PCBP3: variants seen among roughly 807,000 people sequenced by gnomAD.
The protein encoded by PCBP3 is poly(rC) binding protein 3, also known as poly(rC)-binding protein 3.
A neutral mutation model predicts 52.7 loss-of-function variants in PCBP3; 25 were observed. The ratio of observed to expected loss-of-function variants is 0.47; its 90% CI spans 0.35 to 0.66. PCBP3 has a LOEUF of 0.66. Among genes scored for constraint, PCBP3 ranks in the 30% least tolerant of loss-of-function variants. PCBP3 has a pLI of 0.01. For synonymous variants in PCBP3, 162 were observed against 183.0 expected (o/e 0.89, Z 0.93); for missense variants, 391 against 490.3 (o/e 0.80, Z 1.91).
intron 2 of PCBP3, among the ~76,000 whole-genome samples, chr21:45,728,154 T>A (rs2085196311): frequency 6.6e-6 from 1 of 152,192 alleles, no homozygotes; most frequent in South Asian, 2.1e-4. Context: ...GAGGGTACGG[T>A]CTAACTTTGT....
chr21:45,835,689 G>A (rs1486096730), intron 4 of PCBP3, among the ~76,000 whole-genome samples: 1 of 152,186 alleles, frequency 6.6e-6, no homozygotes, highest in Admixed American at 6.5e-5. Flanking sequence ...CTGCCCATGG[G>A]CCTGGACCCT....
At chr21:45,794,922 C>G (rs904358866) in intron 4 of PCBP3, among the ~76,000 whole-genome samples, 1 of 147,188 alleles carries the variant, frequency 6.8e-6, no homozygotes, top group African/African-American at 2.5e-5. Flanking sequence ...GAGCCAGACT[C>G]TGTCTCAAAA....
intron 2 of PCBP3, among the ~76,000 whole-genome samples, chr21:45,671,707 G>A (rs2081186004): frequency 6.6e-6 from 1 of 152,178 alleles, no homozygotes; most frequent in African/African-American, 2.4e-5. Context: ...AGTAAGTGGG[G>A]ACAATTTTTT....
chr21:45,706,979 CA>C (rs2083488360), intron 2 of PCBP3, among the ~76,000 whole-genome samples: 1 of 152,212 alleles, frequency 6.6e-6, no homozygotes, highest in Non-Finnish European at 1.5e-5. Flanking sequence ...GGCTTGTCAG[CA>C]AGTTTATTTT....
chr21:45,917,751 G>T lies in PCBP3; in HGVS notation c.717+122G>T. 1.2e-6 allele frequency: 1 copy of T among 845,762 alleles called. No homozygotes were observed. The highest frequency in any genetic ancestry group is 1.8e-5 in the Admixed American group (1 of 56,002). The allele number at this position is 845,762 out of a possible 1,614,324, so 52.4% of individuals were successfully genotyped here. ...CAATAATATTAATCAACTTCTCAGC[G>T]TTCCTGACCTGTGTCGTATCCATAT... On this transcript the variant is annotated intron_variant, in intron 13 of 17. Coordinates refer to ENST00000681687, the MANE Select transcript of PCBP3 (RefSeq NM_001384156.1). This position sits in a 1 kb window ranked among gnomAD's most constrained non-coding sequence, Gnocchi z 5.3.
intron 12 of PCBP3, 183 bp downstream of exon 12, chr21:45,914,208 G>A (rs548082453): frequency 1.2e-5 from 12 of 978,666 alleles, no homozygotes; most frequent in East Asian, 2.9e-5. Flanking sequence ...CCTTCAGAGC[G>A]GCATTCCCCC....
intron 12 of PCBP3, chr21:45,914,747 G>C (rs2149311860): frequency 6.6e-6 from 1 of 152,532 alleles, no homozygotes; most frequent in East Asian, 1.9e-4. Context: ...CTCAGGGCCA[G>C]TCTGTGGCCA....
chr21:45,793,653 G>A (rs933059967), intron 4 of PCBP3, among the ~76,000 whole-genome samples: 2 of 152,174 alleles, frequency 1.3e-5, no homozygotes, highest in Non-Finnish European at 1.5e-5. Context: ...TGTGGACAGC[G>A]GAGACTCCAC....
chr21:45,814,784 A>G (rs1383062133), intron 4 of PCBP3, among the ~76,000 whole-genome samples: 2 of 74,076 alleles, frequency 2.7e-5, no homozygotes, highest in African/African-American at 1.1e-4. Context: ...GTGAGTGATG[A>G]GTGGTGAGTG....
chr21:45,803,221 G>T (rs2092374403), intron 4 of PCBP3, among the ~76,000 whole-genome samples: 1 of 152,228 alleles, frequency 6.6e-6, no homozygotes, highest in Non-Finnish European at 1.5e-5. Context: ...TTTCTGCTGG[G>T]GGTAGTGGCC....
chr21:45,710,267 A>G (rs2083742536), intron 2 of PCBP3, among the ~76,000 whole-genome samples: 1 of 152,054 alleles, frequency 6.6e-6, no homozygotes, highest in Admixed American at 6.6e-5. Context: ...CTCGTCATTT[A>G]CCATTAGGTA....
intron 9 of PCBP3, among the ~76,000 whole-genome samples, chr21:45,908,616 T>G (rs2096264824): frequency 6.6e-6 from 1 of 150,960 alleles, no homozygotes; most frequent in African/African-American, 2.5e-5. Flanking sequence ...TCCGCCACGC[T>G]CTGCAGCGAG....
At position 45,940,048 on chromosome 21, in the gene PCBP3, G is replaced by T. The variant is rs761266812; in HGVS notation, c.928G>T (p.Gly310Ter). Residue 310 changes from glycine (G) to a stop codon, truncating the protein, a stop_gained, in exon 17 of 18, where the codon GGA becomes TGA. Coordinates refer to ENST00000681687, the MANE Select transcript of PCBP3 (RefSeq NM_001384156.1). LOFTEE classifies it high-confidence loss of function. ...IPNDLIGCII[G>*]RQGTKINEIR... ...TTTCTAGCTAATAGGCTGCATAATT[G>T]GACGCCAAGGGACCAAAATCAATGA... 2 of 1,613,880 alleles carry T rather than the reference G, an allele frequency of 1.2e-6. No homozygotes were observed. The highest frequency in any genetic ancestry group is 2.7e-5 in the African/African-American group (2 of 74,904).
At chr21:45,930,555 G>T (rs893951907) in intron 14 of PCBP3, among the ~76,000 whole-genome samples, 2 of 152,102 alleles carry the variant, frequency 1.3e-5, no homozygotes, top group Non-Finnish European at 2.9e-5. Flanking sequence ...CCTGGCAGTT[G>T]GGTGTCCCTC....
intron 5 of PCBP3, among the ~76,000 whole-genome samples, chr21:45,895,033 G>A (rs968833795): frequency 2.6e-5 from 4 of 152,224 alleles, no homozygotes; most frequent in Non-Finnish European, 4.4e-5. Flanking sequence ...TGTAGACAGC[G>A]TAAGCGCGGG....
At chr21:45,740,039 C>G (rs1285076919) in intron 3 of PCBP3, among the ~76,000 whole-genome samples, 1 of 152,252 alleles carries the variant, frequency 6.6e-6, no homozygotes, top group Non-Finnish European at 1.5e-5. Context: ...TGAGTCCATT[C>G]TGTTCTGTCT....
At chr21:45,706,309 A>T (rs552792473) in intron 2 of PCBP3, among the ~76,000 whole-genome samples, 9 of 152,270 alleles carry the variant, frequency 5.9e-5, no homozygotes, top group Admixed American at 3.9e-4. Flanking sequence ...CACAGCATCT[A>T]GCAGCAGGTT....
chr21:45,681,629 G>A (rs2147544989), intron 2 of PCBP3, among the ~76,000 whole-genome samples: 1 of 152,272 alleles, frequency 6.6e-6, no homozygotes, highest in Non-Finnish European at 1.5e-5. Context: ...GTAAGTCAGG[G>A]AATTGCTGAA....
chr21:45,838,292 T>C (rs1044339054), intron 4 of PCBP3, among the ~76,000 whole-genome samples: 4 of 152,226 alleles, frequency 2.6e-5, no homozygotes, highest in African/African-American at 9.6e-5. Context: ...CACATCAGTC[T>C]TGGATGGCTT....
Sources: allele counts gnomAD v4.1 joint callset (sites outside exome capture counted in the v4.1 genomes callset), GRCh38; gene constraint gnomAD v4.1.1; non-coding constraint Gnocchi (gnomAD v3.1); transcripts MANE v1.5; gene names NCBI Gene and HGNC (gene_info 2026-07-23, HGNC 2026-07-21).